The following APOLD1 variants were observed in gnomAD, a reference collection of about 807,000 sequenced individuals.
The protein encoded by APOLD1 is apolipoprotein L domain-containing protein 1.
In APOLD1, 22 loss-of-function variants were observed where a neutral mutation model predicts 15.3. That is an observed-to-expected ratio of 1.44 (90% CI 1.03 to 2.05). The LOEUF is 2.05. APOLD1 is among the 30% of genes most tolerant of loss of function. The probability of loss-of-function intolerance (pLI) is 0.00; values close to 1 mark genes in which losing one functional copy is unlikely to be tolerated. For synonymous variants in APOLD1, 190 were observed against 167.4 expected, an observed-to-expected ratio of 1.13 and a Z score of -1.04; for missense variants, 394 against 353.5, an observed-to-expected ratio of 1.11 and a Z score of -0.92.
intron 1 of APOLD1, among the ~76,000 whole-genome samples, chr12:12,739,313 G>C (rs1480237876): frequency 6.6e-6 from 1 of 152,246 alleles, no homozygotes; most frequent in Non-Finnish European, 1.5e-5. Context: ...AAGCCAGGGA[G>C]ATCGAGAAGA....
intron 1 of APOLD1, among the ~76,000 whole-genome samples, chr12:12,732,825 A>G (rs1290881744): frequency 6.6e-6 from 1 of 152,138 alleles, no homozygotes; most frequent in Non-Finnish European, 1.5e-5. Context: ...ATGACTAAAG[A>G]TATATTTATC....
intron 1 of APOLD1, among the ~76,000 whole-genome samples, chr12:12,730,078 G>C (rs909355093): frequency 1.7e-5 from 1 of 57,860 alleles, no homozygotes; most frequent in Non-Finnish European, 3.1e-5. Context: ...GTGTGTGTGT[G>C]AGAGAGAGAG....
Position 12,768,352 on chromosome 12 carries a change from G to T in APOLD1, c.97-18557G>T, listed in dbSNP as rs573359042. Among the ~76,000 whole-genome samples the T allele has an allele frequency of 3.0e-4, 45 of 152,156 alleles. No individual in the cohort carries two copies. In the Middle Eastern group the frequency reaches 0.014, roughly 46 times the overall value. On this transcript the variant is annotated intron_variant, in intron 1 of 1. Transcript: ENST00000326765. ...ATAAAACCTTGTAAAAGCAATTGAG[G>T]CTGAGTGCAGTGGCTCATGCCTGTA...
intron 1 of APOLD1, among the ~76,000 whole-genome samples, chr12:12,746,481 AG>A (rs1469785732): frequency 1.2e-4 from 17 of 143,720 alleles, no homozygotes; most frequent in African/African-American, 4.0e-4. Flanking sequence ...GGGCAACAAG[AG>A]TGAAACTCCA....
At chr12:12,726,146 T>A (rs764774145) in intron 1 of APOLD1, 161 of 439,918 alleles carry the variant, frequency 3.7e-4, no homozygotes, top group Admixed American at 7.0e-4. Context: ...AAAGAACACC[T>A]CTTCGCAACC....
intron 1 of APOLD1, chr12:12,726,193 GA>G: frequency 1.2e-6 from 1 of 813,830 alleles, no homozygotes; most frequent in Non-Finnish European, 1.8e-6. Flanking sequence ...GGAAATAGAG[GA>G]AAAATGTGTT....
At chr12:12,774,546 C>CA (rs57343706) in intron 1 of APOLD1, among the ~76,000 whole-genome samples, 462 of 42,290 alleles carry the variant, frequency 0.011, 18 homozygotes, top group Non-Finnish European at 0.015. Context: ...ACTCTAACTC[C>CA]AAAAAAAAAA....
chr12:12,774,973 C>CT (rs1223363751), intron 1 of APOLD1, among the ~76,000 whole-genome samples: 19 of 152,272 alleles, frequency 1.2e-4, no homozygotes, highest in Admixed American at 9.8e-4. Flanking sequence ...GAATTGAAAA[C>CT]TTATGTCCAC....
At chr12:12,758,525 A>G (rs563855701) in intron 1 of APOLD1, among the ~76,000 whole-genome samples, 41 of 152,298 alleles carry the variant, frequency 2.7e-4, no homozygotes, top group African/African-American at 9.6e-4. Flanking sequence ...AGCCTCAGCA[A>G]CAGAGCAAGA....
chr12:12,754,514 A>G (rs549679837), intron 1 of APOLD1, among the ~76,000 whole-genome samples: 1 of 151,858 alleles, frequency 6.6e-6, no homozygotes, highest in South Asian at 2.1e-4. Flanking sequence ...CAGTGGCACA[A>G]TCTCGGCTCA....
At chr12:12,761,455 A>C (rs1010041059) in intron 1 of APOLD1, among the ~76,000 whole-genome samples, 1 of 152,166 alleles carries the variant, frequency 6.6e-6, no homozygotes, top group Non-Finnish European at 1.5e-5. Context: ...GAAATTGTTT[A>C]ATCTCTACTC....
intron 1 of APOLD1, among the ~76,000 whole-genome samples, chr12:12,761,758 A>T (rs1946899976): frequency 6.6e-6 from 1 of 151,242 alleles, no homozygotes; most frequent in Non-Finnish European, 1.5e-5. Flanking sequence ...GCTGGAAGGG[A>T]ACAGAACTCA....
intron 1 of APOLD1, among the ~76,000 whole-genome samples, chr12:12,771,989 T>C (rs1198374775): frequency 6.6e-6 from 1 of 151,764 alleles, no homozygotes; most frequent in Non-Finnish European, 1.5e-5. Flanking sequence ...GCATAACTGA[T>C]ATGCTAAAAA....
At chr12:12,786,665 T>C (rs1480206423) in intron 1 of APOLD1, 9 of 985,252 alleles carry the variant, frequency 9.1e-6, no homozygotes, top group Middle Eastern at 5.2e-4. Context: ...AAGCAGAAGA[T>C]AGCATTATTC....
chr12:12,763,802 A>G (rs1450220326), intron 1 of APOLD1, among the ~76,000 whole-genome samples: 1 of 152,214 alleles, frequency 6.6e-6, no homozygotes, highest in East Asian at 1.9e-4. Context: ...AATACCTTAT[A>G]TAATATGTGT....
In APOLD1 at chr12:12,760,552, T is replaced by C. The variant is rs113571025; in HGVS notation, c.97-26357T>C. ...TACTTGGGAGGCTGAGGCAGGAGAA[T>C]CACTTGAAACTGGGAGGCAGAGGTT... is the stretch of plus-strand genomic sequence containing the variant. On this transcript the variant is annotated intron_variant, in intron 1 of 1. Transcript: ENST00000326765. 5.6e-3 allele frequency among the ~76,000 whole-genome samples: 842 copies of C among 149,906 alleles called. 9 individuals are homozygous for C. The highest frequency in any genetic ancestry group is 0.019 in the African/African-American group (788 of 40,590).
At chr12:12,752,546 T>C (rs1447924400) in intron 1 of APOLD1, among the ~76,000 whole-genome samples, 1 of 152,172 alleles carries the variant, frequency 6.6e-6, no homozygotes, top group African/African-American at 2.4e-5. Context: ...ACTTTGAGGA[T>C]AATGGATTGA....
At chr12:12,749,989 G>A (rs1394723148) in intron 1 of APOLD1, among the ~76,000 whole-genome samples, 1 of 152,104 alleles carries the variant, frequency 6.6e-6, no homozygotes, top group Non-Finnish European at 1.5e-5. Context: ...CCATTCCAAT[G>A]AAATACAGCT....
intron 1 of APOLD1, among the ~76,000 whole-genome samples, chr12:12,728,435 G>A (rs1327676083): frequency 6.6e-6 from 1 of 152,002 alleles, no homozygotes; most frequent in Non-Finnish European, 1.5e-5. Flanking sequence ...GGAGGCTGAG[G>A]CGGGCAGATC....
Sources: allele counts gnomAD v4.1 joint callset (sites outside exome capture counted in the v4.1 genomes callset), GRCh38; gene constraint gnomAD v4.1.1; transcripts MANE v1.5; gene names NCBI Gene and HGNC (gene_info 2026-07-23, HGNC 2026-07-21).